Variants in PLPP3 observed in about 807,000 individuals in gnomAD.
The protein encoded by PLPP3 is phospholipid phosphatase 3, also known as PAP2 beta.
PLPP3 carries 6 observed loss-of-function variants against 29.6 expected under a neutral mutation model. The ratio of observed to expected loss-of-function variants is 0.20; its 90% CI spans 0.11 to 0.40. The LOEUF (loss-of-function observed/expected upper bound fraction) is 0.40. Among genes scored for constraint, PLPP3 ranks in the 10% least tolerant of loss-of-function variants. The pLI is 1.00. For synonymous variants in PLPP3, 152 were observed against 159.7 expected, an observed-to-expected ratio of 0.95 and a Z score of 0.36; for missense variants, 308 against 407.7, an observed-to-expected ratio of 0.76 and a Z score of 2.11.
intron 5 of PLPP3, among the ~76,000 whole-genome samples, chr1:56,503,620 T>G (rs1001122638): frequency 3.3e-5 from 5 of 152,006 alleles, no homozygotes; most frequent in Non-Finnish European, 7.4e-5. Context: ...ACCTGGGAGA[T>G]GGAGGTTGTG....
chr1:56,554,788 G>C (rs1646062942), intron 1 of PLPP3, among the ~76,000 whole-genome samples: 1 of 152,076 alleles, frequency 6.6e-6, no homozygotes. Context: ...TCTTTTCAAT[G>C]TTCCATTATT....
chr1:56,529,062 C>T (rs1412303415), intron 2 of PLPP3, among the ~76,000 whole-genome samples: 1 of 151,948 alleles, frequency 6.6e-6, no homozygotes, highest in Non-Finnish European at 1.5e-5. Flanking sequence ...CTCTGATCTG[C>T]TTTAATAATA....
intron 2 of PLPP3, among the ~76,000 whole-genome samples, chr1:56,534,856 A>T (rs1241880560): frequency 6.6e-6 from 1 of 152,134 alleles, no homozygotes; most frequent in Non-Finnish European, 1.5e-5. Context: ...GAAATGCAAC[A>T]GCAGTTGGAC....
chr1:56,500,328 T>G (rs1645658978), intron 5 of PLPP3, among the ~76,000 whole-genome samples: 1 of 152,112 alleles, frequency 6.6e-6, no homozygotes, highest in African/African-American at 2.4e-5. Context: ...GCAAGGGTGT[T>G]GAGGAAGCAC....
chr1:56,550,817 T>C (rs1256823312), intron 1 of PLPP3, among the ~76,000 whole-genome samples: 2 of 152,110 alleles, frequency 1.3e-5, no homozygotes, highest in East Asian at 1.9e-4. Flanking sequence ...CTGCCTGGTA[T>C]GTTTGCCTGA....
intron 1 of PLPP3, among the ~76,000 whole-genome samples, chr1:56,562,125 G>A (rs1489234332): frequency 6.7e-6 from 1 of 148,724 alleles, no homozygotes; most frequent in Admixed American, 6.8e-5. Flanking sequence ...AAAAGGACCT[G>A]GAAAAGCCCC....
At chr1:56,574,783 T>C (rs1407320883) in intron 1 of PLPP3, among the ~76,000 whole-genome samples, 1 of 152,198 alleles carries the variant, frequency 6.6e-6, no homozygotes, top group African/African-American at 2.4e-5. Context: ...TCTTTGGTCA[T>C]ACATATATAA....
chr1:56,544,107 T>C (rs780217909), intron 1 of PLPP3, among the ~76,000 whole-genome samples: 2 of 152,216 alleles, frequency 1.3e-5, no homozygotes, highest in Admixed American at 6.5e-5. Context: ...ACTTTCACCA[T>C]GGGCGTTAAA....
chr1:56,548,886 A>AG (rs1646021861), intron 1 of PLPP3, among the ~76,000 whole-genome samples: 2 of 151,934 alleles, frequency 1.3e-5, no homozygotes, highest in South Asian at 4.2e-4. Context: ...AGCCAATTTA[A>AG]GGCTATACCA....
intron 2 of PLPP3, among the ~76,000 whole-genome samples, chr1:56,531,961 C>T (rs1239318077): frequency 1.3e-5 from 2 of 152,290 alleles, no homozygotes; most frequent in South Asian, 2.1e-4. Flanking sequence ...AAGTATTTCT[C>T]GGCCTCCTAA....
At chr1:56,503,044 C>G (rs1175477861) in intron 5 of PLPP3, among the ~76,000 whole-genome samples, 1 of 152,122 alleles carries the variant, frequency 6.6e-6, no homozygotes, top group African/African-American at 2.4e-5. Context: ...GCCCTAAGTA[C>G]AGTAAGTGCT....
At chr1:56,508,510 G>A (rs1053145466) in intron 5 of PLPP3, among the ~76,000 whole-genome samples, 4 of 152,200 alleles carry the variant, frequency 2.6e-5, no homozygotes, top group Non-Finnish European at 5.9e-5. Context: ...TGCCATACAT[G>A]CTGCTTTTTT....
At chr1:56,571,459 C>T (rs1159114890) in intron 1 of PLPP3, among the ~76,000 whole-genome samples, 1 of 152,202 alleles carries the variant, frequency 6.6e-6, no homozygotes, top group Non-Finnish European at 1.5e-5. Flanking sequence ...ATTCCCCTCA[C>T]ACCTCTCTCC....
intron 5 of PLPP3, among the ~76,000 whole-genome samples, chr1:56,506,121 T>C (rs1645700358): frequency 6.6e-6 from 1 of 152,186 alleles, no homozygotes; most frequent in Non-Finnish European, 1.5e-5. Flanking sequence ...CAGGCAGCCC[T>C]GGAGTAAATC....
intron 2 of PLPP3, among the ~76,000 whole-genome samples, chr1:56,525,866 G>A (rs114600952): frequency 0.012 from 1,823 of 152,212 alleles, 37 homozygotes; most frequent in African/African-American, 0.04. Flanking sequence ...TACAGTGGAG[G>A]AAAGCATCAA....
chr1:56,553,074 T>C (rs1402138755), intron 1 of PLPP3, among the ~76,000 whole-genome samples: 1 of 152,224 alleles, frequency 6.6e-6, no homozygotes, highest in African/African-American at 2.4e-5. Flanking sequence ...GAGTTTATTG[T>C]TAAGTTTTAC....
rs1645653998 is a variant in PLPP3 at position 56,499,755 on chromosome 1, G to A, written c.811-3079C>T. Among the ~76,000 whole-genome samples the A allele has an allele frequency of 3.3e-5, 5 of 152,280 alleles. No homozygotes were observed. In the South Asian group the frequency reaches 1.0e-3, roughly 32 times the overall value. On this transcript the variant is annotated intron_variant, in intron 5 of 5. Transcript: ENST00000371250. Reference sequence around the variant, plus strand: ...GTAATACTGTCAAGACCGAAACAGGGTTCAGTCTTCCTAATATTTGAACAG... The same window carrying A: ...GTAATACTGTCAAGACCGAAACAGGATTCAGTCTTCCTAATATTTGAACAG...
intron 1 of PLPP3, among the ~76,000 whole-genome samples, chr1:56,555,221 C>T (rs1453704678): frequency 2.0e-5 from 3 of 151,432 alleles, no homozygotes; most frequent in Non-Finnish European, 4.4e-5. Context: ...ATCATGGAAG[C>T]AGCTGAACCG....
intron 2 of PLPP3, among the ~76,000 whole-genome samples, chr1:56,525,477 T>C (rs1645846777): frequency 6.6e-6 from 1 of 152,214 alleles, no homozygotes; most frequent in Non-Finnish European, 1.5e-5. Context: ...ACCTATTATA[T>C]ACCAGACATT....
Sources: gnomAD v4.1 joint callset for allele counts (sites outside exome capture counted in the v4.1 genomes callset) on GRCh38, gnomAD v4.1.1 for gene constraint, MANE v1.5 for transcripts, NCBI Gene and HGNC (gene_info 2026-07-23, HGNC 2026-07-21) for gene names.